The following SLX9 variants were observed in gnomAD, a reference collection of about 807,000 sequenced individuals.
SLX9 encodes the protein ribosome biogenesis protein SLX9 homolog.
Under a neutral mutation model 20.8 loss-of-function variants are expected in SLX9, and 19 were observed. That is an observed-to-expected ratio of 0.91 (90% CI 0.64 to 1.34). The LOEUF is 1.34. Ranked by LOEUF, SLX9 falls within the 40% of genes most tolerant of loss-of-function variation. The pLI is 0.00. For synonymous variants in SLX9, 113 were observed against 137.1 expected (o/e 0.82, Z 1.23); for missense variants, 299 against 322.2 (o/e 0.93, Z 0.55).
At chr21:44,940,967 A>G (rs2084534546) in intron 1 of SLX9, among the ~76,000 whole-genome samples, 1 of 152,002 alleles carries the variant, frequency 6.6e-6, no homozygotes, top group African/African-American at 2.4e-5. Flanking sequence ...GGCATAATCT[A>G]TCTTAATTCA....
At chr21:44,948,646 G>T (rs982025917) in intron 2 of SLX9, among the ~76,000 whole-genome samples, 10 of 152,188 alleles carry the variant, frequency 6.6e-5, no homozygotes, top group Middle Eastern at 3.2e-3. Flanking sequence ...GCTGGAGAGG[G>T]AGCTCACAGC....
intron 5 of SLX9, among the ~76,000 whole-genome samples, chr21:44,974,512 C>T (rs1434209447): frequency 6.6e-6 from 1 of 152,140 alleles, no homozygotes; most frequent in Non-Finnish European, 1.5e-5. Flanking sequence ...TTTGTAGGGT[C>T]TAGGTGAAGT....
chr21:44,973,795 C>T lies in SLX9; in HGVS notation c.569+530C>T, dbSNP rs186036003. Among the ~76,000 whole-genome samples the T allele has an allele frequency of 3.9e-4, 59 of 152,300 alleles. No homozygotes were observed. In the East Asian group the frequency reaches 9.5e-3, roughly 24 times the overall value. On this transcript the variant is annotated intron_variant, in intron 5 of 5. Coordinates refer to ENST00000291634, the MANE Select transcript of SLX9 (RefSeq NM_058190.4). ...CCGCCCGTGCCTCTAGTCCCCTCCA[C>T]GCTGCTCCGCTGGCTCCTGCCTGTC...
chr21:44,945,641 GGTC>G (rs2084628580), intron 2 of SLX9, among the ~76,000 whole-genome samples: 1 of 152,240 alleles, frequency 6.6e-6, no homozygotes, highest in Non-Finnish European at 1.5e-5. Context: ...CTTGGGCTGA[GGTC>G]GTGCCCAGCA....
chr21:44,952,909 G>C (rs931035560), intron 2 of SLX9, among the ~76,000 whole-genome samples: 2 of 152,228 alleles, frequency 1.3e-5, no homozygotes, highest in Admixed American at 6.5e-5. Context: ...TCGACAGCTG[G>C]GGTGGGAGGG....
intron 5 of SLX9, among the ~76,000 whole-genome samples, chr21:44,975,083 C>T (rs767468161): frequency 1.8e-4 from 28 of 152,208 alleles, no homozygotes; most frequent in South Asian, 1.4e-3. Context: ...TTGTTCACTC[C>T]GTGTTTTGGA....
chr21:44,944,434 C>A (rs1187846000), intron 2 of SLX9, among the ~76,000 whole-genome samples: 1 of 152,254 alleles, frequency 6.6e-6, no homozygotes, highest in East Asian at 1.9e-4. Context: ...GAACGCCGTC[C>A]CCCTGCACCT....
intron 2 of SLX9, among the ~76,000 whole-genome samples, chr21:44,951,838 C>A (rs542869027): frequency 1.3e-5 from 2 of 152,090 alleles, no homozygotes; most frequent in African/African-American, 4.8e-5. Context: ...TTCAGGAGCC[C>A]TTGCTGCTCT....
chr21:44,972,220 G>C (rs2085164126), intron 4 of SLX9, among the ~76,000 whole-genome samples: 1 of 152,144 alleles, frequency 6.6e-6, no homozygotes. Flanking sequence ...AAGGCGCCTG[G>C]TGTGGCCTTG....
chr21:44,959,349 T>TG lies in SLX9; in HGVS notation c.284-746dup, dbSNP rs1217560215. 4 of 802,564 alleles carry TG rather than the reference T, an allele frequency of 5.0e-6. No individual in the cohort carries two copies. In the African/African-American group the frequency reaches 7.5e-5, roughly 15 times the overall value. The allele number at this position is 802,564 out of a possible 1,614,324, so 49.7% of individuals were successfully genotyped here. On this transcript the variant is annotated intron_variant, in intron 2 of 5. Transcript: ENST00000291634. ...GGGAAATCAGTTAAGGCCGAGGAAA[T>TG]GGGGGTGCCCTTGAGTCCACTCTGT...
intron 3 of SLX9, among the ~76,000 whole-genome samples, chr21:44,964,384 T>A (rs1393777518): frequency 6.6e-6 from 1 of 152,212 alleles, no homozygotes; most frequent in African/African-American, 2.4e-5. Flanking sequence ...CCTGTGGATC[T>A]GCACGCGCCA....
chr21:44,940,083 C>G lies in SLX9; in HGVS notation c.26C>G (p.Ala9Gly). The G allele has an allele frequency of 1.4e-6, 2 of 1,458,760 alleles. No individual in the cohort carries two copies. Among genetic ancestry groups the G allele is most frequent in the Non-Finnish European group, 1.8e-6 (2 of 1,103,882 alleles). 90.4% of individuals were successfully genotyped at this position (1,458,760 alleles called of 1,614,324 possible). The change falls in exon 1 of 6, where the codon GCC becomes GGC. Residue 9 changes from alanine to glycine, a missense_variant. Transcript: ENST00000291634. The stretch of plus-strand genomic sequence containing the variant: ...ATGGGGAAAGTGAGGGGGTTGCGCG[C>G]CCGAGTGCACCAGGCTGCCGTGAGG... MGKVRGLR[A>G]RVHQAAVRPK...
chr21:44,947,831 T>C (rs953227116), intron 2 of SLX9, among the ~76,000 whole-genome samples: 1 of 152,174 alleles, frequency 6.6e-6, no homozygotes, highest in Non-Finnish European at 1.5e-5. Flanking sequence ...TAAGACCCCC[T>C]GCACCTCCCC....
At chr21:44,972,429 G>A (rs886493913) in intron 4 of SLX9, among the ~76,000 whole-genome samples, 4 of 152,156 alleles carry the variant, frequency 2.6e-5, no homozygotes, top group East Asian at 1.9e-4. Context: ...GTCCTGGCCC[G>A]CCCGTGCCCT....
chr21:44,972,831 G>T (rs973890031), intron 4 of SLX9, among the ~76,000 whole-genome samples: 3 of 152,058 alleles, frequency 2.0e-5, no homozygotes, highest in African/African-American at 7.2e-5. Flanking sequence ...GGCAGGTGGG[G>T]TGGAGACGCT....
chr21:44,976,693 A>G lies in SLX9; in HGVS notation c.583A>G (p.Thr195Ala). The change falls in exon 6 of 6, where the codon ACC becomes GCC. Residue 195 changes from threonine (T) to alanine (A), a missense_variant. Coordinates refer to ENST00000291634, the MANE Select transcript of SLX9 (RefSeq NM_058190.4). ...CCATTCTTTCAGCGAGGAAGAAAGG[A>G]CCCGGTTTCAGGAGCTGCTGGCCAG... ...QRQQLLEEERTRFQELLASPA... is the reference protein window; with the variant it reads ...QRQQLLEEERARFQELLASPA... 6.3e-7 allele frequency: 1 copy of G among 1,580,588 alleles called. No homozygotes were observed. Among genetic ancestry groups the G allele is most frequent in the South Asian group, 1.2e-5 (1 of 86,940 alleles).
Position 44,940,115 on chromosome 21 carries a change from G to T in SLX9, c.58G>T (p.Gly20Trp). 7.2e-7 allele frequency: 1 copy of T among 1,391,400 alleles called. No individual in the cohort carries two copies. The highest frequency in any genetic ancestry group is 1.5e-5 in the African/African-American group (1 of 66,494). 86.2% of individuals were successfully genotyped at this position (1,391,400 alleles called of 1,614,324 possible). A position where few individuals can be genotyped will look rare whatever the true frequency, so the allele number is the denominator to read the frequency against. Reference sequence around the variant, plus strand: ...GCACCAGGCTGCCGTGAGGCCGAAAGGGGAGGCCGCCCCCGGCCCCGCGCC... The same window carrying T: ...GCACCAGGCTGCCGTGAGGCCGAAATGGGAGGCCGCCCCCGGCCCCGCGCC... ...RVHQAAVRPK[G>W]EAAPGPAPPA... is the part of the protein sequence containing the mutation. The change falls in exon 1 of 6, where the codon GGG (glycine) becomes TGG (tryptophan). Residue 20 changes from glycine to tryptophan, a missense_variant. By Grantham distance (184) the Gly-to-Trp change is radical. Transcript: ENST00000291634.
intron 4 of SLX9, among the ~76,000 whole-genome samples, chr21:44,971,375 C>T (rs1316780623): frequency 7.9e-5 from 1 of 12,722 alleles, no homozygotes. Context: ...CCCTGAACTC[C>T]GGAAACCCCA....
chr21:44,955,794 C>T (rs977374780), intron 2 of SLX9, among the ~76,000 whole-genome samples: 2 of 152,234 alleles, frequency 1.3e-5, no homozygotes, highest in African/African-American at 4.8e-5. Context: ...GCACCCAGCT[C>T]TATAGGGAGT....
Sources: allele counts gnomAD v4.1 joint callset (sites outside exome capture counted in the v4.1 genomes callset), GRCh38; gene constraint gnomAD v4.1.1; transcripts MANE v1.5; gene names NCBI Gene and HGNC (gene_info 2026-07-23, HGNC 2026-07-21).